The following ERC2 variants were observed in gnomAD, a reference collection of about 807,000 sequenced individuals.
ERC2 encodes ELKS/RAB6-interacting/CAST family member 2, also known as ERC protein 2.
In ERC2, 42 loss-of-function variants were observed where a neutral mutation model predicts 114.8. The ratio of observed to expected loss-of-function variants is 0.37; its 90% CI spans 0.29 to 0.47. ERC2 has a LOEUF of 0.47. Ranked by LOEUF, ERC2 falls within the 20% of genes least tolerant of loss-of-function variation. The probability of loss-of-function intolerance (pLI) is 0.99; values close to 1 mark genes in which losing one functional copy is unlikely to be tolerated. For missense variants in ERC2, 939 were observed against 1,150.7 expected, an observed-to-expected ratio of 0.82 and a Z score of 2.66; for synonymous variants, 454 against 425.5, an observed-to-expected ratio of 1.07 and a Z score of -0.82.
At chr3:55,994,884 A>G (rs1365807165) in intron 10 of ERC2, among the ~76,000 whole-genome samples, 2 of 152,162 alleles carry the variant, frequency 1.3e-5, no homozygotes, top group Admixed American at 6.6e-5. Context: ...AGCCTAGGAA[A>G]AAAAGTGCCT....
intron 1 of ERC2, among the ~76,000 whole-genome samples, chr3:56,440,270 G>A (rs375807416): frequency 2.6e-5 from 4 of 152,306 alleles, no homozygotes; most frequent in Non-Finnish European, 4.4e-5. Flanking sequence ...GCGGCCGGGC[G>A]AGGTGGCTCA....
chr3:56,264,872 G>C (rs1397338703), intron 3 of ERC2, among the ~76,000 whole-genome samples: 2 of 144,542 alleles, frequency 1.4e-5, no homozygotes, highest in African/African-American at 5.1e-5. Flanking sequence ...AATTTCAAAA[G>C]CAACAAAATA....
chr3:56,214,852 GA>G (rs908445967), intron 3 of ERC2, among the ~76,000 whole-genome samples: 28 of 152,212 alleles, frequency 1.8e-4, no homozygotes, highest in Middle Eastern at 6.8e-3. Context: ...CATTCTTAAA[GA>G]AAGAATTTTC....
rs111368340 is a variant in ERC2, at chr3:55,925,889, T to C, written c.2403+24536A>G. On this transcript the variant is annotated intron_variant, in intron 13 of 17. Coordinates refer to ENST00000288221, the MANE Select transcript of ERC2 (RefSeq NM_015576.3). ...CTGTAAAATACACAAAGCTATAAAA[T>C]GTATATCACATGTGTGTCTGTGTGT... Among the ~76,000 whole-genome samples, 422 of 152,302 alleles carry C rather than the reference T, an allele frequency of 2.8e-3. 1 individual carries two copies. Among genetic ancestry groups the C allele is most frequent in the African/African-American group, 9.8e-3 (406 of 41,570 alleles).
At chr3:56,261,875 T>A (rs1409555660) in intron 3 of ERC2, among the ~76,000 whole-genome samples, 1 of 152,142 alleles carries the variant, frequency 6.6e-6, no homozygotes, top group Non-Finnish European at 1.5e-5. Flanking sequence ...CCTTCCACCC[T>A]CCAATAGTCC....
At chr3:55,659,037 A>G (rs2061002771) in intron 17 of ERC2, 1 of 152,594 alleles carries the variant, frequency 6.6e-6, no homozygotes, top group South Asian at 2.1e-4. Flanking sequence ...CTCAGAAAAC[A>G]AGGAAAGCAA....
At chr3:55,742,174 C>A (rs887201371) in intron 14 of ERC2, among the ~76,000 whole-genome samples, 1 of 152,160 alleles carries the variant, frequency 6.6e-6, no homozygotes, top group African/African-American at 2.4e-5. Flanking sequence ...TAAATGCCTT[C>A]TTTTGAGTGT....
intron 2 of ERC2, among the ~76,000 whole-genome samples, chr3:56,336,473 G>A (rs564287239): frequency 2.0e-5 from 3 of 152,274 alleles, no homozygotes; most frequent in African/African-American, 7.2e-5. Context: ...GGTGATGAAT[G>A]CAGATGGACC....
At chr3:55,586,223 G>C (rs941321922) in intron 17 of ERC2, among the ~76,000 whole-genome samples, 2 of 152,218 alleles carry the variant, frequency 1.3e-5, no homozygotes, top group African/African-American at 4.8e-5. Context: ...TTCCCAAAGA[G>C]AGGTGGCCCT....
intron 1 of ERC2, among the ~76,000 whole-genome samples, chr3:56,443,377 T>G (rs2062407715): frequency 6.6e-6 from 1 of 152,214 alleles, no homozygotes; most frequent in South Asian, 2.1e-4. Context: ...GGCTCACCAC[T>G]ATTTGGGAAT....
chr3:55,946,284 C>T (rs866532032), intron 13 of ERC2, among the ~76,000 whole-genome samples: 5 of 152,254 alleles, frequency 3.3e-5, no homozygotes, highest in African/African-American at 9.6e-5. Flanking sequence ...ACAAGAAAAT[C>T]ACGATCTTTC....
At chr3:55,881,337 A>C (rs967469321) in intron 14 of ERC2, among the ~76,000 whole-genome samples, 4 of 152,180 alleles carry the variant, frequency 2.6e-5, no homozygotes, top group African/African-American at 9.6e-5. Flanking sequence ...TATCTGGAGA[A>C]GACGTCTAAA....
intron 2 of ERC2, among the ~76,000 whole-genome samples, chr3:56,348,870 AGG>A (rs2058417385): frequency 1.4e-5 from 1 of 72,476 alleles, no homozygotes; most frequent in African/African-American, 6.1e-5. Flanking sequence ...AATGAAAGAA[AGG>A]AAGGAAGGAA....
chr3:56,252,566 C>A (rs998910022), intron 3 of ERC2, among the ~76,000 whole-genome samples: 7 of 151,916 alleles, frequency 4.6e-5, no homozygotes, highest in African/African-American at 1.7e-4. Flanking sequence ...ACCAGCCTGG[C>A]CAACATGGAG....
intron 10 of ERC2, among the ~76,000 whole-genome samples, chr3:55,999,699 G>A (rs114028703): frequency 0.038 from 5,774 of 151,532 alleles, 239 homozygotes; most frequent in African/African-American, 0.1. Flanking sequence ...AAATATCATG[G>A]GAAAATATTA....
intron 15 of ERC2, among the ~76,000 whole-genome samples, chr3:55,710,711 A>C (rs895193346): frequency 1.3e-5 from 2 of 152,224 alleles, no homozygotes; most frequent in African/African-American, 4.8e-5. Context: ...AGTACTAGGA[A>C]AAGGCGGGTA....
chr3:55,948,067 T>C (rs1388563402), intron 13 of ERC2, among the ~76,000 whole-genome samples: 1 of 152,244 alleles, frequency 6.6e-6, no homozygotes, highest in East Asian at 1.9e-4. Context: ...TTGCCTTTTG[T>C]GTTCTGGTTT....
intron 2 of ERC2, among the ~76,000 whole-genome samples, chr3:56,306,893 T>C (rs2056259871): frequency 6.6e-6 from 1 of 152,204 alleles, no homozygotes; most frequent in African/African-American, 2.4e-5. Context: ...ATGCAAGACC[T>C]ACCTTACGTC....
chr3:55,827,394 AAG>A (rs2060372147), intron 14 of ERC2, among the ~76,000 whole-genome samples: 1 of 151,904 alleles, frequency 6.6e-6, no homozygotes, highest in Non-Finnish European at 1.5e-5. Flanking sequence ...GAAAAAGATA[AAG>A]AGAGAAAAAG....
Sources: gnomAD v4.1 joint callset for allele counts (sites outside exome capture counted in the v4.1 genomes callset) on GRCh38, gnomAD v4.1.1 for gene constraint, MANE v1.5 for transcripts, NCBI Gene and HGNC (gene_info 2026-07-23, HGNC 2026-07-21) for gene names.